The following RNF139 variants were observed in gnomAD, a reference collection of about 807,000 sequenced individuals.
RNF139 encodes the protein ring finger protein 139, also known as E3 ubiquitin-protein ligase RNF139.
In RNF139, 15 loss-of-function variants were observed where a neutral mutation model predicts 49.5. The observed-to-expected ratio is 0.30, with a 90% confidence interval of 0.20 to 0.47. RNF139 has a LOEUF of 0.47. Among genes scored for constraint, RNF139 ranks in the 20% least tolerant of loss-of-function variants. The pLI is 1.00. For missense variants in RNF139, 619 were observed against 806.3 expected (o/e 0.77, Z 2.81); for synonymous variants, 325 against 300.9 (o/e 1.08, Z -0.83).
At position 124,474,885 on chromosome 8, in the gene RNF139, C is replaced by A; in HGVS notation, c.-225C>A. On this transcript the variant is annotated 5_prime_UTR_variant, in exon 1 of 2. Transcript: ENST00000303545. The surrounding 1 kb of genome is among the most constrained non-coding windows in gnomAD (Gnocchi z 4.6). ...AGCCGGAAACACCGAAACCCAGAGA[C>A]CTCCTGGGGAGCCGCCGCCGCCGCC... is the stretch of plus-strand genomic sequence containing the variant. The A allele has an allele frequency of 6.6e-6, 2 of 304,048 alleles. No individual in the cohort carries two copies. The highest frequency in any genetic ancestry group is 1.2e-5 in the Non-Finnish European group (2 of 168,974). The allele number at this position is 304,048 out of a possible 1,614,324, so 18.8% of individuals were successfully genotyped here.
rs1816466545 is a variant in RNF139 at position 124,483,058 on chromosome 8, A to ATT, written c.182-2773_182-2772insTT. Among the ~76,000 whole-genome samples the ATT allele has an allele frequency of 3.2e-4, 9 of 27,822 alleles. 2 individuals are homozygous for ATT. Among genetic ancestry groups the ATT allele is most frequent in the Non-Finnish European group, 6.0e-4 (8 of 13,338 alleles). 18.3% of individuals were successfully genotyped at this position (27,822 alleles called of 152,430 possible). A position where few individuals can be genotyped will look rare whatever the true frequency, so the allele number is the denominator to read the frequency against. On this transcript the variant is annotated intron_variant, in intron 1 of 1. Coordinates refer to ENST00000303545, the MANE Select transcript of RNF139 (RefSeq NM_007218.4). ...ATATATATTTAAAAATATATCTATT[A>ATT]AAAATATATATATATTATTTAAATA...
chr8:124,480,809 G>C (rs564158204), intron 1 of RNF139, among the ~76,000 whole-genome samples: 2 of 152,054 alleles, frequency 1.3e-5, no homozygotes, highest in African/African-American at 4.8e-5. Flanking sequence ...CTATCTAGGG[G>C]CCCCCAGGCA....
intron 1 of RNF139, among the ~76,000 whole-genome samples, chr8:124,475,862 C>T (rs1186515965): frequency 6.6e-6 from 1 of 152,194 alleles, no homozygotes; most frequent in African/African-American, 2.4e-5. Context: ...ATGCTTAAAT[C>T]GAGTCCTAAA....
chr8:124,479,661 A>C, intron 1 of RNF139, among the ~76,000 whole-genome samples: 1 of 152,250 alleles, frequency 6.6e-6, no homozygotes, highest in Middle Eastern at 3.4e-3. Flanking sequence ...CCCACACCCC[A>C]GTGTGACAGC....
chr8:124,480,214 A>G (rs1414549052), intron 1 of RNF139, among the ~76,000 whole-genome samples: 1 of 151,938 alleles, frequency 6.6e-6, no homozygotes, highest in African/African-American at 2.4e-5. Flanking sequence ...AGAACTTTAA[A>G]TTTTTAGAAA....
chr8:124,475,915 A>G (rs1816306301), intron 1 of RNF139, among the ~76,000 whole-genome samples: 1 of 152,240 alleles, frequency 6.6e-6, no homozygotes, highest in African/African-American at 2.4e-5. Flanking sequence ...GTGACTGTAA[A>G]AAGTGATGAG....
rs879131408 is a variant in RNF139 at position 124,487,906 on chromosome 8, GAACA to G, written c.*265_*268del. 1.3e-4 allele frequency: 45 copies of G among 350,280 alleles called. No homozygotes were observed. Among genetic ancestry groups the G allele is most frequent in the African/African-American group, 7.4e-4 (35 of 47,462 alleles). The allele number at this position is 350,280 out of a possible 1,614,324, so 21.7% of individuals were successfully genotyped here. A position where few individuals can be genotyped will look rare whatever the true frequency, so the allele number is the denominator to read the frequency against. On this transcript the variant is annotated 3_prime_UTR_variant, in exon 2 of 2. Transcript: ENST00000303545. ...TTTTCACATTTTTATGACAAAATTTGAACAAATAGCTTTTTAATAGATGTAATGA... is the reference window on the plus strand; with the variant it reads ...TTTTCACATTTTTATGACAAAATTTGAATAGCTTTTTAATAGATGTAATGA...
At position 124,480,403 on chromosome 8, in the gene RNF139, CT is replaced by C. The variant is rs1219599589; in HGVS notation, c.181+5114del. Among the ~76,000 whole-genome samples the C allele has an allele frequency of 5.9e-3, 458 of 77,564 alleles. 4 individuals are homozygous for C. The highest frequency in any genetic ancestry group is 0.027 in the African/African-American group (428 of 15,860). 50.9% of individuals were successfully genotyped at this position (77,564 alleles called of 152,430 possible). ...TGGGCAACAGAGCGAGACTCCATCA[CT>C]AAAAAAAAAAAAAAAAAAAAAAGGA... On this transcript the variant is annotated intron_variant, in intron 1 of 1. Transcript: ENST00000303545.
rs1394445777 is a variant in RNF139 at position 124,488,531 on chromosome 8, ACTAT to A, written c.*889_*892del. ...ACTTGCAGATAATTTCTTTATTGAA[ACTAT>A]CAGGAAGTTTTACTATGAAATTTTA... On this transcript the variant is annotated 3_prime_UTR_variant, in exon 2 of 2. Transcript: ENST00000303545. The A allele has an allele frequency of 2.4e-6, 2 of 826,532 alleles. No individual in the cohort carries two copies. Among genetic ancestry groups the A allele is most frequent in the Admixed American group, 4.7e-5 (2 of 42,234 alleles). 51.2% of individuals were successfully genotyped at this position (826,532 alleles called of 1,614,324 possible).
chr8:124,482,504 T>G (rs1448248908), intron 1 of RNF139, among the ~76,000 whole-genome samples: 1 of 152,070 alleles, frequency 6.6e-6, no homozygotes, highest in Non-Finnish European at 1.5e-5. Flanking sequence ...GTTTTAAAGT[T>G]TCTGAAGTTT....
chr8:124,484,245 A>G (rs140538397), intron 1 of RNF139, among the ~76,000 whole-genome samples: 1 of 152,270 alleles, frequency 6.6e-6, no homozygotes, highest in East Asian at 1.9e-4. Context: ...GTTAGGAGGA[A>G]TATTACTGTA....
intron 1 of RNF139, chr8:124,483,239 C>CTTTTG (rs1816480963): frequency 7.1e-6 from 1 of 140,072 alleles, no homozygotes; most frequent in African/African-American, 2.6e-5. Flanking sequence ...TTATTGTGTC[C>CTTTTG]TTTTGTTTTC....
chr8:124,480,007 C>T (rs1250548096), intron 1 of RNF139, among the ~76,000 whole-genome samples: 1 of 151,842 alleles, frequency 6.6e-6, no homozygotes, highest in Non-Finnish European at 1.5e-5. Context: ...TGGTGGGTGC[C>T]TGTAGTCCTA....
In RNF139 at chr8:124,475,184, G is replaced by A; in HGVS notation, c.75G>A (p.Ala25=). 7 of 1,613,846 alleles carry A rather than the reference G, an allele frequency of 4.3e-6. No homozygotes were observed. The highest frequency in any genetic ancestry group is 5.9e-6 in the Non-Finnish European group (7 of 1,179,972). The change falls in exon 1 of 2, where the codon GCG becomes GCA. Residue 25 remains alanine, a synonymous_variant. Coordinates refer to ENST00000303545, the MANE Select transcript of RNF139 (RefSeq NM_007218.4). ...HQQVWAALEV[A]LRVPCLYIID... ...AGGTCTGGGCGGCGCTCGAAGTGGC[G>A]CTCCGGGTGCCCTGCCTTTACATCA...
intron 1 of RNF139, among the ~76,000 whole-genome samples, chr8:124,483,073 T>TATTTAAA (rs374935639): frequency 2.7e-5 from 1 of 37,640 alleles, no homozygotes; most frequent in Non-Finnish European, 5.0e-5. Context: ...TATATATATA[T>TATTTAAA]TATTTAAATA....
intron 1 of RNF139, among the ~76,000 whole-genome samples, chr8:124,482,943 AATAT>A (rs1554601148): frequency 2.1e-5 from 2 of 94,596 alleles, no homozygotes; most frequent in East Asian, 5.3e-4. Flanking sequence ...TATAAAAAAA[AATAT>A]ATATATATAT....
chr8:124,486,516 A>G lies in RNF139; in HGVS notation c.867A>G (p.Leu289=). Reference sequence around the variant, plus strand: ...TAATTAGTGGGTGCGATTCTACACTAACTGTACTGGGCATGAGTGCTGTAA... The same window carrying G: ...TAATTAGTGGGTGCGATTCTACACTGACTGTACTGGGCATGAGTGCTGTAA... ...NLIISGCDST[L]TVLGMSAVIS... Residue 289 remains leucine (L), a synonymous_variant, in exon 2 of 2, where the codon CTA becomes CTG. Coordinates refer to ENST00000303545, the MANE Select transcript of RNF139 (RefSeq NM_007218.4). 6.2e-7 allele frequency: 1 copy of G among 1,614,174 alleles called. No homozygotes were observed. The highest frequency in any genetic ancestry group is 8.5e-7 in the Non-Finnish European group (1 of 1,180,020).
intron 1 of RNF139, among the ~76,000 whole-genome samples, chr8:124,478,605 CA>C (rs372190245): frequency 0.033 from 3,121 of 95,908 alleles, 30 homozygotes; most frequent in African/African-American, 0.045. Context: ...GAGACTGTCT[CA>C]AAAAAAAAAA....
chr8:124,475,731 G>C (rs1816303289), intron 1 of RNF139, among the ~76,000 whole-genome samples: 2 of 152,168 alleles, frequency 1.3e-5, no homozygotes, highest in Non-Finnish European at 2.9e-5. Flanking sequence ...TGTCACTTCT[G>C]CTGCACCCGA....
Sources: allele counts gnomAD v4.1 joint callset (sites outside exome capture counted in the v4.1 genomes callset), GRCh38; gene constraint gnomAD v4.1.1; non-coding constraint Gnocchi (gnomAD v3.1); transcripts MANE v1.5; gene names NCBI Gene and HGNC (gene_info 2026-07-23, HGNC 2026-07-21).